PRKCH: variants seen among roughly 807,000 people sequenced by gnomAD.
The protein encoded by PRKCH is protein kinase C eta, also known as protein kinase C eta type.
A neutral mutation model predicts 82.5 loss-of-function variants in PRKCH; 28 were observed. The observed-to-expected ratio is 0.34, with a 90% confidence interval of 0.25 to 0.47. The LOEUF (loss-of-function observed/expected upper bound fraction) is 0.47. Ranked by LOEUF, PRKCH falls within the 20% of genes least tolerant of loss-of-function variation. PRKCH has a pLI of 1.00. For synonymous variants in PRKCH, 322 were observed against 327.4 expected, an observed-to-expected ratio of 0.98 and a Z score of 0.18; for missense variants, 705 against 881.8, an observed-to-expected ratio of 0.80 and a Z score of 2.54.
intron 1 of PRKCH, among the ~76,000 whole-genome samples, chr14:61,383,384 A>G (rs1262602817): frequency 2.0e-5 from 3 of 152,166 alleles, no homozygotes; most frequent in African/African-American, 7.2e-5. Flanking sequence ...TGGGAACATA[A>G]TGTCAGATCC....
chr14:61,400,727 C>G (rs192082485), intron 2 of PRKCH, among the ~76,000 whole-genome samples: 2 of 152,310 alleles, frequency 1.3e-5, no homozygotes, highest in East Asian at 1.9e-4. Flanking sequence ...AAACTCTTAC[C>G]TAGTAACTGA....
intron 1 of PRKCH, among the ~76,000 whole-genome samples, chr14:61,379,960 G>T (rs920195349): frequency 3.3e-5 from 5 of 152,200 alleles, no homozygotes; most frequent in Non-Finnish European, 5.9e-5. Flanking sequence ...CTCTTCTGTG[G>T]TTCCTCTTTC....
intron 9 of PRKCH, among the ~76,000 whole-genome samples, chr14:61,484,032 C>T (rs1886097990): frequency 6.6e-6 from 1 of 152,160 alleles, no homozygotes; most frequent in Non-Finnish European, 1.5e-5. Context: ...CAGAATGAGA[C>T]CCTGTCTCAC....
intron 1 of PRKCH, among the ~76,000 whole-genome samples, chr14:61,384,487 TTGAA>T (rs2046557770): frequency 6.6e-6 from 1 of 151,442 alleles, no homozygotes; most frequent in Non-Finnish European, 1.5e-5. Flanking sequence ...GCAAAGAAGA[TTGAA>T]TGGCCTTCCT....
Position 61,457,250 on chromosome 14 carries a change from T to C in PRKCH, c.1035T>C (p.Asn345=), listed in dbSNP as rs916126591. Residue 345 remains asparagine (N), a synonymous_variant, in exon 8 of 14, where the codon AAT becomes AAC. Transcript: ENST00000332981. The part of the protein sequence containing the change: ...SSKEGNGIGV[N]SSNRLGIDNF... ...AAGAAGGAAATGGGATTGGGGTTAA[T>C]TCTTCCAACCGACTTGGTATCGACA... 10 of 1,614,108 alleles carry C rather than the reference T, an allele frequency of 6.2e-6. 1 individual carries two copies. The African/African-American group carries it at 1.3e-4, about 22-fold the overall frequency.
chr14:61,518,522 G>A (rs1422661652), intron 10 of PRKCH, among the ~76,000 whole-genome samples: 1 of 152,148 alleles, frequency 6.6e-6, no homozygotes, highest in East Asian at 1.9e-4. Flanking sequence ...GTCCTAAGGA[G>A]ATGTATGATT....
intron 1 of PRKCH, among the ~76,000 whole-genome samples, chr14:61,274,767 A>C (rs2045188060): frequency 6.6e-6 from 1 of 152,166 alleles, no homozygotes; most frequent in African/African-American, 2.4e-5. Flanking sequence ...ACCTATAGGG[A>C]GGGCATTTAG....
intron 2 of PRKCH, among the ~76,000 whole-genome samples, chr14:61,437,863 G>A (rs531706183): frequency 2.0e-5 from 3 of 152,056 alleles, no homozygotes; most frequent in Non-Finnish European, 2.9e-5. Context: ...TTGGGAGGCC[G>A]AGGCAGGAGG....
At chr14:61,222,248 A>C (rs2044661923) in intron 1 of PRKCH, among the ~76,000 whole-genome samples, 1 of 152,228 alleles carries the variant, frequency 6.6e-6, no homozygotes, top group Non-Finnish European at 1.5e-5. Context: ...AGGATCATTA[A>C]AAATGATTTT....
At chr14:61,194,773 G>C (rs930492618) in intron 1 of PRKCH, among the ~76,000 whole-genome samples, 1 of 151,788 alleles carries the variant, frequency 6.6e-6, no homozygotes, top group African/African-American at 2.4e-5. Flanking sequence ...TGCTCTCATC[G>C]CCCAGGCTTG....
chr14:61,300,822 C>T (rs1174641017), intron 1 of PRKCH, among the ~76,000 whole-genome samples: 1 of 152,162 alleles, frequency 6.6e-6, no homozygotes, highest in African/African-American at 2.4e-5. Flanking sequence ...ATGGCAGTTC[C>T]ATCTTCCCTT....
At chr14:61,441,923 T>C (rs1228402871) in intron 2 of PRKCH, among the ~76,000 whole-genome samples, 1 of 152,116 alleles carries the variant, frequency 6.6e-6, no homozygotes, top group Non-Finnish European at 1.5e-5. Flanking sequence ...GTGTTGGTAT[T>C]ACAGACATGA....
intron 2 of PRKCH, among the ~76,000 whole-genome samples, chr14:61,394,885 C>G (rs777074805): frequency 6.6e-6 from 1 of 152,178 alleles, no homozygotes; most frequent in Non-Finnish European, 1.5e-5. Flanking sequence ...TTGTCCCTTA[C>G]TGCAGCAAGA....
chr14:61,300,654 CT>C (rs1379736441), intron 1 of PRKCH, among the ~76,000 whole-genome samples: 1 of 152,126 alleles, frequency 6.6e-6, no homozygotes, highest in Non-Finnish European at 1.5e-5. Flanking sequence ...TAAGGTTTTC[CT>C]TTTAATGAAA....
chr14:61,545,410 C>G (rs1286612827), intron 12 of PRKCH: 4 of 152,214 alleles, frequency 2.6e-5, no homozygotes, highest in African/African-American at 9.7e-5. Flanking sequence ...TGATTCTTCC[C>G]CCTTCTCTTG....
chr14:61,405,871 G>A (rs1243620059), intron 2 of PRKCH, among the ~76,000 whole-genome samples: 1 of 152,212 alleles, frequency 6.6e-6, no homozygotes, highest in Non-Finnish European at 1.5e-5. Flanking sequence ...CTTGTTTCAT[G>A]TAAATGTGGA....
rs112053341 is a variant in PRKCH at position 61,389,599 on chromosome 14, G to T, written c.364-1626G>T. Among the ~76,000 whole-genome samples the T allele has an allele frequency of 9.8e-3, 1,495 of 152,122 alleles. 33 individuals carry two copies. Among genetic ancestry groups the T allele is most frequent in the South Asian group, 0.061 (291 of 4,806 alleles). ...GCCTATAGTCCTAGCTACTTGGGAG[G>T]CTGAGGCAGGAGAATCGCTTGAGGC... On this transcript the variant is annotated intron_variant, in intron 1 of 13. Transcript: ENST00000332981.
At chr14:61,502,100 TCTCA>T (rs1170563851) in intron 10 of PRKCH, among the ~76,000 whole-genome samples, 1 of 127,866 alleles carries the variant, frequency 7.8e-6, no homozygotes, top group Non-Finnish European at 1.6e-5. Context: ...GGAGTCTCAC[TCTCA>T]CTCAGGCAGG....
Position 61,328,226 on chromosome 14 carries a change from C to CGGCCTGG in PRKCH, c.363+5764_363+5770dup, listed in dbSNP as rs1345656036. On this transcript the variant is annotated intron_variant, in intron 1 of 13. Coordinates refer to ENST00000332981, the MANE Select transcript of PRKCH (RefSeq NM_006255.5). ...GATTGCGCCACTGCGGTCCGCAGTC[C>CGGCCTGG]GGCCTGGGCAACAGAGCGAGACTCC... is the stretch of plus-strand genomic sequence containing the variant. Among the ~76,000 whole-genome samples the CGGCCTGG allele has an allele frequency of 3.0e-5, 4 of 133,574 alleles. No individual in the cohort carries two copies. In the East Asian group the frequency reaches 9.3e-4, roughly 31 times the overall value. The allele number at this position is 133,574 out of a possible 152,430, so 87.6% of individuals were successfully genotyped here. A position where few individuals can be genotyped will look rare whatever the true frequency, so the allele number is the denominator to read the frequency against.
Sources: allele counts gnomAD v4.1 joint callset (sites outside exome capture counted in the v4.1 genomes callset), GRCh38; gene constraint gnomAD v4.1.1; transcripts MANE v1.5; gene names NCBI Gene and HGNC (gene_info 2026-07-23, HGNC 2026-07-21).